Variants in C3 observed in about 807,000 individuals in gnomAD.
The protein encoded by C3 is complement C3.
A neutral mutation model predicts 207.9 loss-of-function variants in C3; 97 were observed. The ratio of observed to expected loss-of-function variants is 0.47; its 90% CI spans 0.40 to 0.55. The LOEUF (loss-of-function observed/expected upper bound fraction) is 0.55. Among genes scored for constraint, C3 ranks in the 20% least tolerant of loss-of-function variants. The pLI, the probability that C3 is intolerant of heterozygous loss-of-function variation, is 0.00. For missense variants in C3, 1,684 were observed against 2,171.7 expected (o/e 0.78, Z 4.46); for synonymous variants, 848 against 857.6 (o/e 0.99, Z 0.20).
chr19:6,684,650 C>G lies in C3; in HGVS notation c.4030G>C (p.Val1344Leu). ...GCCTTAGCATGGTACATTGTCACCACCTGGTAAGATGGGAGAGGAGACACA... is the reference window on the plus strand; with the variant it reads ...GCCTTAGCATGGTACATTGTCACCAGCTGGTAAGATGGGAGAGGAGACACA... ...AEGKGQGTLSVVTMYHAKAKD... is the reference protein window; with the variant it reads ...AEGKGQGTLSLVTMYHAKAKD... The change falls in exon 32 of 41, where the codon GTG becomes CTG. Residue 1344 changes from valine to leucine, a missense_variant and splice_region_variant. This residue lies in a region of C3 where 1,280 missense variants were observed against 1,739.1 expected (regional missense o/e 0.74). Transcript: ENST00000245907. The G allele has an allele frequency of 1.2e-6, 2 of 1,613,058 alleles. No individual in the cohort carries two copies. Among genetic ancestry groups the G allele is most frequent in the Non-Finnish European group, 1.7e-6 (2 of 1,179,126 alleles).
At chr19:6,682,267 A>G in intron 33 of C3, 38 bp from the exon 34 acceptor site, 1 of 1,530,928 alleles carries the variant, frequency 6.5e-7, no homozygotes, top group African/African-American at 1.4e-5. Flanking sequence ...GGTCCCAAGG[A>G]GGGGTCAGCC....
chr19:6,679,519 G>A lies in C3; in HGVS notation c.4457-23C>T, dbSNP rs752287356. The A allele has an allele frequency of 4.6e-6, 7 of 1,536,814 alleles. No individual in the cohort carries two copies. In the South Asian group the frequency reaches 7.8e-5, roughly 17 times the overall value. On this transcript the variant is annotated intron_variant, in intron 36 of 40. Coordinates refer to ENST00000245907, the MANE Select transcript of C3 (RefSeq NM_000064.4). ...CCTCTGCGGGCAGATGTGATGTGAA[G>A]ATGAGAGGATAAGGGCCTCCCTCCA...
Position 6,692,945 on chromosome 19 carries a change from G to T in C3, c.3369C>A (p.Pro1123=), listed in dbSNP as rs772998021. ...TTACAATCATTTCTTGGTGTATCAC[G>T]GGCGCATCCTCCTGGAAGACCCCGT... ...KPDGVFQEDA[P]VIHQEMIGGL... is the part of the protein sequence containing the mutation. Residue 1123 remains proline, a synonymous_variant, in exon 26 of 41, where the codon CCC becomes CCA. Coordinates refer to ENST00000245907, the MANE Select transcript of C3 (RefSeq NM_000064.4). The T allele has an allele frequency of 2.5e-6, 4 of 1,614,022 alleles. No homozygotes were observed. The highest frequency in any genetic ancestry group is 2.5e-6 in the Non-Finnish European group (3 of 1,180,020).
chr19:6,719,036 G>A lies in C3; in HGVS notation c.267+175C>T, dbSNP rs550889543. Among the ~76,000 whole-genome samples the A allele has an allele frequency of 1.7e-4, 25 of 150,090 alleles. No homozygotes were observed. The highest frequency in any genetic ancestry group is 1.5e-3 in the Admixed American group (22 of 15,094). On this transcript the variant is annotated intron_variant, in intron 2 of 40. Transcript: ENST00000245907. The surrounding 1 kb of genome is among the most constrained non-coding windows in gnomAD (Gnocchi z 5.4). Reference sequence around the variant, plus strand: ...TTATAAGGGGAGGAGACTCAGAAGGGGTGGAGTCTCAGAGAAGGGAGGGGC... The same window carrying A: ...TTATAAGGGGAGGAGACTCAGAAGGAGTGGAGTCTCAGAGAAGGGAGGGGC...
rs423490 is a variant in C3, at chr19:6,697,395, A to G, written c.2745T>C (p.Ala915=). The G allele has an allele frequency of 0.77, 1,239,780 of 1,613,598 alleles. 477,870 individuals carry two copies. The highest frequency in any genetic ancestry group is 0.93 in the East Asian group (41,603 of 44,862). The change falls in exon 21 of 41, where the codon GCT becomes GCC. Residue 915 remains alanine (A), a synonymous_variant. Coordinates refer to ENST00000245907, the MANE Select transcript of C3 (RefSeq NM_000064.4). ...TGLQEVEVKA[A]VYHHFISDGV... is the part of the protein sequence containing the mutation. ...CGTCACTGATGAAATGATGGTAGAC[A>G]GCAGCCTTGACTTCCACTTCCTGCA...
intron 14 of C3, 73 bp downstream of exon 14, chr19:6,709,611 T>TACCC: frequency 3.6e-6 from 4 of 1,109,434 alleles, no homozygotes; most frequent in South Asian, 1.2e-5. Context: ...CCCTCTCCAG[T>TACCC]CCCACCCACC....
At chr19:6,713,142 C>T (rs1370587279) in intron 9 of C3, 47 bp downstream of exon 9, 1 of 1,611,720 alleles carries the variant, frequency 6.2e-7, no homozygotes. Context: ...CCCTCTCAGA[C>T]CGGCCCACTT....
In C3 at chr19:6,719,455, C is replaced by T. The variant is rs764958924; in HGVS notation, c.75-52G>A. The T allele has an allele frequency of 2.0e-6, 3 of 1,534,802 alleles. No individual in the cohort carries two copies. The Admixed American group carries it at 5.0e-5, about 26-fold the overall frequency. On this transcript the variant is annotated intron_variant, in intron 1 of 40. Coordinates refer to ENST00000245907, the MANE Select transcript of C3 (RefSeq NM_000064.4). The surrounding 1 kb of genome is among the most constrained non-coding windows in gnomAD (Gnocchi z 5.4). The stretch of plus-strand genomic sequence containing the variant: ...CTTGTCATTCCACGGATGTGAGACG[C>T]CAGTCCTCACTGGAGTCAGCGCCTG...
At position 6,693,393 on chromosome 19, in the gene C3, G is replaced by A; in HGVS notation, c.3230+19C>T. 6.2e-7 allele frequency: 1 copy of A among 1,602,658 alleles called. No individual in the cohort carries two copies. Among genetic ancestry groups the A allele is most frequent in the Non-Finnish European group, 8.5e-7 (1 of 1,175,558 alleles). ...AGGGTGGGGAGTATGCATGGCCTGA[G>A]CTGGCTGTTGGGACTCACCAGGTGC... is the stretch of plus-strand genomic sequence containing the variant. On this transcript the variant is annotated intron_variant, in intron 25 of 40. Coordinates refer to ENST00000245907, the MANE Select transcript of C3 (RefSeq NM_000064.4).
At chr19:6,679,350 G>C in intron 37 of C3, 57 bp downstream of exon 37, 3 of 1,477,834 alleles carry the variant, frequency 2.0e-6, no homozygotes, top group Non-Finnish European at 2.8e-6. Context: ...TGGGATAGAT[G>C]ACCTGGGTAA....
chr19:6,712,383 G>A lies in C3; in HGVS notation c.1143C>T (p.Gly381=). The A allele has an allele frequency of 6.2e-7, 1 of 1,614,172 alleles. No individual in the cohort carries two copies. Among genetic ancestry groups the A allele is most frequent in the Non-Finnish European group, 8.5e-7 (1 of 1,180,014 alleles). The change falls in exon 11 of 41, where the codon GGC becomes GGT. Residue 381 remains glycine (G), a synonymous_variant. Transcript: ENST00000245907. ...DLMVFVTNPD[G]SPAYRVPVAV... is the part of the protein sequence containing the mutation. Reference sequence around the variant, plus strand: ...CCACGGGGACTCGGTAGGCTGGAGAGCCATCAGGGTTCGTCACGAACACCT... The same window carrying A: ...CCACGGGGACTCGGTAGGCTGGAGAACCATCAGGGTTCGTCACGAACACCT...
intron 36 of C3, 84 bp from the exon 37 acceptor site, chr19:6,679,580 C>T: frequency 1.1e-6 from 1 of 914,948 alleles, no homozygotes; most frequent in Non-Finnish European, 1.8e-6. Context: ...CCCCAGTTCT[C>T]AGTCTTCAGA....
chr19:6,714,291 C>T (rs758700502), intron 5 of C3, 43 bp from the exon 6 acceptor site: 5 of 1,609,078 alleles, frequency 3.1e-6, no homozygotes, highest in Non-Finnish European at 3.4e-6. Context: ...CCTCGGAGCC[C>T]CCCTGCTCCC....
In C3 at chr19:6,707,066, TG is replaced by T; in HGVS notation, c.2245+9del. 1 of 1,389,848 alleles carries T rather than the reference TG, an allele frequency of 7.2e-7. No individual in the cohort carries two copies. Among genetic ancestry groups the T allele is most frequent in the Non-Finnish European group, 9.6e-7 (1 of 1,038,318 alleles). 86.1% of individuals were successfully genotyped at this position (1,389,848 alleles called of 1,614,324 possible). A position where few individuals can be genotyped will look rare whatever the true frequency, so the allele number is the denominator to read the frequency against. ...GCCCCCTCCCCCTGTCCCCACCCCG[TG>T]GGACCTACTCCTGGCCAGGCCCAGG... On this transcript the variant is annotated intron_variant, in intron 17 of 40. Transcript: ENST00000245907.
rs551485673 is a variant in C3, at chr19:6,701,613, C to T, written c.2440+514G>A. On this transcript the variant is annotated intron_variant, in intron 19 of 40. Coordinates refer to ENST00000245907, the MANE Select transcript of C3 (RefSeq NM_000064.4). ...TCAGCTCACCGCAACCTCCACCTCC[C>T]GGGTTCAACCAAATCTCCTGCCTCA... 9.2e-5 allele frequency among the ~76,000 whole-genome samples: 14 copies of T among 152,246 alleles called. No homozygotes were observed. The South Asian group carries it at 1.2e-3, about 14-fold the overall frequency.
intron 37 of C3, 89 bp from the exon 38 acceptor site, chr19:6,679,297 C>A: frequency 6.9e-7 from 1 of 1,454,646 alleles, no homozygotes; most frequent in Non-Finnish European, 9.7e-7. Flanking sequence ...GGAGCCTACC[C>A]CCCTTGGTAT....
chr19:6,682,396 G>C, intron 33 of C3, 167 bp from the exon 34 acceptor site: 1 of 661,578 alleles, frequency 1.5e-6, no homozygotes, highest in South Asian at 1.6e-5. Context: ...GAAATAAAAA[G>C]CAAGGTAATG....
chr19:6,713,598 G>T, intron 7 of C3, 89 bp from the exon 8 acceptor site: 1 of 1,039,980 alleles, frequency 9.6e-7, no homozygotes, highest in Non-Finnish European at 1.5e-6. Context: ...GAAGACTGGA[G>T]CCCCCAACCC....
chr19:6,688,052 T>C (rs926144212), intron 27 of C3, among the ~76,000 whole-genome samples: 1 of 151,444 alleles, frequency 6.6e-6, no homozygotes, highest in Non-Finnish European at 1.5e-5. Flanking sequence ...GAGACGGGGT[T>C]TCACCGTGGT....
Sources: allele counts gnomAD v4.1 joint callset (sites outside exome capture counted in the v4.1 genomes callset), GRCh38; gene constraint gnomAD v4.1.1; regional missense constraint gnomAD v4.1.1; non-coding constraint Gnocchi (gnomAD v3.1); transcripts MANE v1.5; gene names NCBI Gene and HGNC (gene_info 2026-07-23, HGNC 2026-07-21).